UEVLD: variants seen among roughly 807,000 people sequenced by gnomAD.
UEVLD encodes ubiquitin-conjugating enzyme E2 variant 3.
A neutral mutation model predicts 58.6 loss-of-function variants in UEVLD; 47 were observed. The observed-to-expected ratio is 0.80, with a 90% CI of 0.63 to 1.02. The LOEUF (loss-of-function observed/expected upper bound fraction) is 1.02, where lower values mean the gene tolerates loss of function less well. Ranked by LOEUF, UEVLD falls within the 50% of genes least tolerant of loss-of-function variation. The pLI is 0.00. For missense variants in UEVLD, 510 were observed against 550.6 expected (o/e 0.93, Z 0.74); for synonymous variants, 197 against 195.3 (o/e 1.01, Z -0.07).
intron 2 of UEVLD, among the ~76,000 whole-genome samples, chr11:18,575,870 C>T (rs910941211): frequency 6.6e-6 from 1 of 152,202 alleles, no homozygotes; most frequent in South Asian, 2.1e-4. Context: ...CAGTTCCACT[C>T]CTCTCACCTC....
At chr11:18,558,614 C>T (rs1405515317) in intron 6 of UEVLD, among the ~76,000 whole-genome samples, 1 of 151,704 alleles carries the variant, frequency 6.6e-6, no homozygotes, top group Admixed American at 6.6e-5. Flanking sequence ...CGAAACCCCA[C>T]CTCTACTAAA....
chr11:18,559,148 A>G (rs1306168865), intron 6 of UEVLD, among the ~76,000 whole-genome samples: 1 of 151,812 alleles, frequency 6.6e-6, no homozygotes, highest in Non-Finnish European at 1.5e-5. Context: ...TGCTGGAATT[A>G]CAGGTGTGAG....
intron 2 of UEVLD, among the ~76,000 whole-genome samples, chr11:18,576,987 A>G (rs1394568371): frequency 1.3e-5 from 2 of 152,204 alleles, no homozygotes; most frequent in East Asian, 3.9e-4. Context: ...GTTCAAGACC[A>G]GCCTGGCCAA....
intron 3 of UEVLD, among the ~76,000 whole-genome samples, chr11:18,573,425 C>A (rs372507991): frequency 6.6e-6 from 1 of 152,110 alleles, no homozygotes; most frequent in East Asian, 1.9e-4. Context: ...TTCTTTTCAA[C>A]GTCTAACCAA....
chr11:18,535,145 A>G (rs1281251650), intron 10 of UEVLD, among the ~76,000 whole-genome samples: 8 of 152,362 alleles, frequency 5.3e-5, no homozygotes, highest in African/African-American at 1.7e-4. Context: ...TTGTAGAAGC[A>G]TTGAAAAACA....
intron 6 of UEVLD, among the ~76,000 whole-genome samples, chr11:18,562,858 G>A (rs1030616181): frequency 6.6e-6 from 1 of 151,868 alleles, no homozygotes; most frequent in African/African-American, 2.4e-5. Context: ...ACCAATCTAG[G>A]CAACACAGGG....
intron 7 of UEVLD, among the ~76,000 whole-genome samples, chr11:18,547,779 T>C (rs1442386103): frequency 6.6e-6 from 1 of 152,096 alleles, no homozygotes; most frequent in African/African-American, 2.4e-5. Context: ...TGGAAATAAG[T>C]AGGAAGAAGG....
intron 7 of UEVLD, 43 bp downstream of exon 7, chr11:18,558,185 G>A: frequency 7.0e-7 from 1 of 1,420,988 alleles, no homozygotes; most frequent in East Asian, 2.3e-5. Flanking sequence ...AGTCAAAAAT[G>A]AAGATCTAAT....
At chr11:18,577,289 AGTCACT>A (rs1852969045) in intron 2 of UEVLD, among the ~76,000 whole-genome samples, 1 of 152,258 alleles carries the variant, frequency 6.6e-6, no homozygotes, top group Non-Finnish European at 1.5e-5. Flanking sequence ...AATCAGTTAT[AGTCACT>A]TTTAGAACCA....
Position 18,570,334 on chromosome 11 carries a change from A to G in UEVLD, c.237T>C (p.Ser79=), listed in dbSNP as rs200743847. 3.6e-5 allele frequency: 56 copies of G among 1,577,412 alleles called. No individual in the cohort carries two copies. The highest frequency in any genetic ancestry group is 3.0e-5 in the Non-Finnish European group (35 of 1,169,824). The change falls in exon 4 of 12, where the codon TCT becomes TCC. Residue 79 remains serine (S), a synonymous_variant. Transcript: ENST00000396197. ...NIPIRFWILD[S]HPFAPPICFL... ...AGCAAATAGGGGGAGCGAAAGGGTG[A>G]GAATCCAAAATCCAGAAACGAATTG...
rs184743336 is a variant in UEVLD at position 18,559,907 on chromosome 11, C to A, written c.613-1577G>T. Among the ~76,000 whole-genome samples the A allele has an allele frequency of 2.9e-3, 443 of 151,978 alleles. 1 individual carries two copies. The highest frequency in any genetic ancestry group is 4.8e-3 in the Non-Finnish European group (325 of 67,970). On this transcript the variant is annotated intron_variant, in intron 6 of 11. Transcript: ENST00000396197. ...AAGATATCTCCTATTTTAGGATTCA[C>A]GGGCAAAAGTACCCAAAGATCTACC... is the stretch of plus-strand genomic sequence containing the variant.
rs529902138 is a variant in UEVLD, at chr11:18,547,592, A to G, written c.716-542T>C. Reference sequence around the variant, plus strand: ...AGTAATAATCAAAATAAATTATGGGATCTAAAACCTACAAACAAGAACTGA... The same window carrying G: ...AGTAATAATCAAAATAAATTATGGGGTCTAAAACCTACAAACAAGAACTGA... On this transcript the variant is annotated intron_variant, in intron 7 of 11. Transcript: ENST00000396197. Among the ~76,000 whole-genome samples, 4 of 152,288 alleles carry G rather than the reference A, an allele frequency of 2.6e-5. No homozygotes were observed. In the East Asian group the frequency reaches 7.7e-4, roughly 29 times the overall value.
chr11:18,532,488 C>A lies in UEVLD; in HGVS notation c.1249-1G>T. The A allele has an allele frequency of 6.3e-7, 1 of 1,587,460 alleles. No homozygotes were observed. The highest frequency in any genetic ancestry group is 8.6e-7 in the Non-Finnish European group (1 of 1,168,108). On this transcript the variant is annotated splice_acceptor_variant, in intron 11 of 11. Transcript: ENST00000396197. LOFTEE classifies it high-confidence loss of function. Reference sequence around the variant, plus strand: ...CTTCACTATTTATATCATAATATCCCTGAAATGAGAAAAATAGGGATTTAA... The same window carrying A: ...CTTCACTATTTATATCATAATATCCATGAAATGAGAAAAATAGGGATTTAA...
chr11:18,538,216 C>T (rs1850891533), intron 9 of UEVLD, among the ~76,000 whole-genome samples: 1 of 152,078 alleles, frequency 6.6e-6, no homozygotes, highest in Non-Finnish European at 1.5e-5. Context: ...CTTCCTCAAA[C>T]TGATTATAAG....
At chr11:18,536,805 T>C (rs1196365343) in intron 9 of UEVLD, 1 of 203,868 alleles carries the variant, frequency 4.9e-6, no homozygotes, top group Admixed American at 5.8e-5. Context: ...AGAAATGCAC[T>C]GAGACTAATT....
At chr11:18,563,542 G>A (rs74669874) in intron 6 of UEVLD, 30,475 of 435,256 alleles carry the variant, frequency 0.07, 1,215 homozygotes, top group East Asian at 0.2. Context: ...AGTAAGCTGA[G>A]ATTGCACCAC....
chr11:18,539,507 ACAT>A (rs1209081818), intron 9 of UEVLD, among the ~76,000 whole-genome samples: 1 of 152,226 alleles, frequency 6.6e-6, no homozygotes, highest in Non-Finnish European at 1.5e-5. Flanking sequence ...AAAATTTGTT[ACAT>A]TGGGCGGGAT....
chr11:18,557,565 T>C (rs943142552), intron 7 of UEVLD, among the ~76,000 whole-genome samples: 2 of 151,002 alleles, frequency 1.3e-5, no homozygotes, highest in Non-Finnish European at 2.9e-5. Context: ...CTTTTTTTTT[T>C]TTTCAGAGAC....
intron 6 of UEVLD, 28 bp from the exon 7 acceptor site, chr11:18,558,358 C>T (rs781178957): frequency 3.3e-5 from 48 of 1,465,116 alleles, no homozygotes; most frequent in Non-Finnish European, 4.5e-5. Context: ...GAACATTACA[C>T]TGAACATGGC....
Sources: allele counts gnomAD v4.1 joint callset (sites outside exome capture counted in the v4.1 genomes callset), GRCh38; gene constraint gnomAD v4.1.1; transcripts MANE v1.5; gene names NCBI Gene and HGNC (gene_info 2026-07-23, HGNC 2026-07-21).